The following ABCA1 variants were observed in gnomAD, a reference collection of about 807,000 sequenced individuals.
ABCA1 encodes ATP binding cassette subfamily A member 1, also known as phospholipid-transporting ATPase ABCA1.
In ABCA1, 133 loss-of-function variants were observed where a neutral mutation model predicts 262.5. The observed-to-expected ratio is 0.51, with a 90% CI of 0.44 to 0.59. The LOEUF is 0.59. Ranked by LOEUF, ABCA1 falls within the 20% of genes least tolerant of loss-of-function variation. The pLI, the probability that ABCA1 is intolerant of heterozygous loss-of-function variation, is 0.00. For synonymous variants in ABCA1, 1,022 were observed against 1,043.5 expected (o/e 0.98, Z 0.40); for missense variants, 2,452 against 2,777.5 (o/e 0.88, Z 2.63).
intron 35 of ABCA1, among the ~76,000 whole-genome samples, 159 bp downstream of exon 35, chr9:104,800,351 A>G (rs945620522): frequency 1.3e-5 from 2 of 152,190 alleles, no homozygotes; most frequent in East Asian, 1.9e-4. Context: ...AATTCTCTGA[A>G]TCACTACACT....
chr9:104,890,330 A>G (rs1264615051), intron 2 of ABCA1, among the ~76,000 whole-genome samples: 1 of 152,194 alleles, frequency 6.6e-6, no homozygotes, highest in Non-Finnish European at 1.5e-5. Flanking sequence ...CTGTAATCCC[A>G]GCACTTTGGG....
chr9:104,907,855 C>T (rs1841264913), intron 1 of ABCA1, among the ~76,000 whole-genome samples: 1 of 152,254 alleles, frequency 6.6e-6, no homozygotes, highest in Non-Finnish European at 1.5e-5. Flanking sequence ...TCTCATCAGT[C>T]ACCCAAGTGG....
intron 7 of ABCA1, among the ~76,000 whole-genome samples, chr9:104,846,038 T>C (rs77257670): frequency 0.016 from 2,450 of 152,350 alleles, 53 homozygotes; most frequent in African/African-American, 0.056. Flanking sequence ...GTCAGCACTG[T>C]TTCTAACACT....
At chr9:104,901,128 C>T (rs1361033319) in intron 2 of ABCA1, among the ~76,000 whole-genome samples, 1 of 152,182 alleles carries the variant, frequency 6.6e-6, no homozygotes, top group Non-Finnish European at 1.5e-5. Flanking sequence ...GGATTCCTTC[C>T]CTGGCTAAGC....
intron 47 of ABCA1, 43 bp from the exon 48 acceptor site, chr9:104,786,433 CTGTAACCA>C (rs746518985): frequency 6.5e-7 from 1 of 1,545,624 alleles, no homozygotes; most frequent in South Asian, 1.1e-5. Flanking sequence ...GAGAGATTCT[CTGTAACCA>C]TGAGAACATC....
intron 17 of ABCA1, among the ~76,000 whole-genome samples, chr9:104,824,780 C>T (rs1375200184): frequency 6.6e-6 from 1 of 152,216 alleles, no homozygotes. Context: ...CTTCCAACAA[C>T]CCACGGGGCA....
chr9:104,905,107 A>G (rs998432807), intron 1 of ABCA1, among the ~76,000 whole-genome samples: 3 of 152,340 alleles, frequency 2.0e-5, no homozygotes, highest in African/African-American at 4.8e-5. Flanking sequence ...CTTGGTAGCC[A>G]TGAACTCTCC....
chr9:104,829,943 T>TACAC lies in ABCA1; in HGVS notation c.1893-809_1893-806dup, dbSNP rs59055896. Among the ~76,000 whole-genome samples, 422 of 140,898 alleles carry TACAC rather than the reference T, an allele frequency of 3.0e-3. 4 individuals carry two copies. Among genetic ancestry groups the TACAC allele is most frequent in the East Asian group, 5.0e-3 (25 of 4,980 alleles). 92.4% of individuals were successfully genotyped at this position (140,898 alleles called of 152,430 possible). A position where few individuals can be genotyped will look rare whatever the true frequency, so the allele number is the denominator to read the frequency against. ...CCAGCTCCTCCCGCATCCTGATCCCTACACACACACACACACACACACACA... is the reference window on the plus strand; with the variant it reads ...CCAGCTCCTCCCGCATCCTGATCCCTACACACACACACACACACACACACACACA... On this transcript the variant is annotated intron_variant, in intron 14 of 49. Coordinates refer to ENST00000374736, the MANE Select transcript of ABCA1 (RefSeq NM_005502.4).
At chr9:104,832,442 A>C in intron 12 of ABCA1, 132 bp downstream of exon 12, 1 of 975,428 alleles carries the variant, frequency 1.0e-6, no homozygotes, top group Non-Finnish European at 1.6e-6. Context: ...ATCCTGTGTT[A>C]GGCTTGAGGG....
chr9:104,921,355 T>C (rs10512338), intron 1 of ABCA1, among the ~76,000 whole-genome samples: 21,959 of 152,174 alleles, frequency 0.14, 2,390 homozygotes, highest in African/African-American at 0.31. Context: ...CCAATGCATA[T>C]GAAGTTACTG....
intron 8 of ABCA1, among the ~76,000 whole-genome samples, 198 bp from the exon 9 acceptor site, chr9:104,840,717 A>G (rs1341599091): frequency 6.6e-6 from 1 of 152,236 alleles, no homozygotes; most frequent in Admixed American, 6.5e-5. Context: ...TCTGTGGTCC[A>G]GGGACGAGCA....
In ABCA1 at chr9:104,792,881, G is replaced by A; in HGVS notation, c.5662C>T (p.Leu1888=). 6.2e-7 allele frequency: 1 copy of A among 1,614,044 alleles called. No individual in the cohort carries two copies. Among genetic ancestry groups the A allele is most frequent in the Non-Finnish European group, 8.5e-7 (1 of 1,179,990 alleles). ...CTCACATCTTCATCTTCATCATTCA[G>A]AGGAGATAGCTTTGCATTTACAGGT... ...PRPVNAKLSP[L]NDEDEDVRRE... is the part of the protein sequence containing the mutation. Residue 1888 remains leucine, a synonymous_variant, in exon 42 of 50, where the codon CTG becomes TTG. Transcript: ENST00000374736.
At chr9:104,828,875 C>T (rs756524838) in intron 15 of ABCA1, 41 bp downstream of exon 15, 38 of 1,600,384 alleles carry the variant, frequency 2.4e-5, no homozygotes, top group Non-Finnish European at 2.7e-5. Flanking sequence ...TGAGCTATTT[C>T]GGAGTTTCCT....
chr9:104,850,561 C>T (rs1835291816), intron 7 of ABCA1, among the ~76,000 whole-genome samples: 2 of 152,208 alleles, frequency 1.3e-5, no homozygotes, highest in African/African-American at 4.8e-5. Context: ...CTATGTTGGC[C>T]TGAGCACATA....
Position 104,806,392 on chromosome 9 carries a change from G to A in ABCA1, c.4313C>T (p.Thr1438Ile). The change falls in exon 31 of 50, where the codon ACT becomes ATT. Residue 1438 changes from threonine to isoleucine, a missense_variant. Coordinates refer to ENST00000374736, the MANE Select transcript of ABCA1 (RefSeq NM_005502.4). ...CATGATGGTCTGGGGAACTGGGGCAGTGGTCCACTCTTCCTCCCCTGCCTG... is the reference window on the plus strand; with the variant it reads ...CATGATGGTCTGGGGAACTGGGGCAATGGTCCACTCTTCCTCCCCTGCCTG... Reference protein sequence around the residue: ...PCQAGEEEWTTAPVPQTIMDL... With the variant: ...PCQAGEEEWTIAPVPQTIMDL... The A allele has an allele frequency of 6.2e-7, 1 of 1,614,188 alleles. No individual in the cohort carries two copies. The highest frequency in any genetic ancestry group is 8.5e-7 in the Non-Finnish European group (1 of 1,180,042).
chr9:104,824,583 A>G lies in ABCA1; in HGVS notation c.2543-5T>C. 1 of 1,613,378 alleles carries G rather than the reference A, an allele frequency of 6.2e-7. No individual in the cohort carries two copies. The highest frequency in any genetic ancestry group is 8.5e-7 in the Non-Finnish European group (1 of 1,179,994). ...GCCTGGGAATTCCGTACTGGCCTGA[A>G]AGCAAAGCACAGGTATGAGCCAAGC... On this transcript the variant is annotated splice_region_variant and splice_polypyrimidine_tract_variant and intron_variant, in intron 17 of 49. Transcript: ENST00000374736.
chr9:104,915,606 T>A (rs1217279319), intron 1 of ABCA1, among the ~76,000 whole-genome samples: 1 of 152,212 alleles, frequency 6.6e-6, no homozygotes, highest in Non-Finnish European at 1.5e-5. Context: ...TCCAATATTA[T>A]CAAGATTCTG....
intron 37 of ABCA1, among the ~76,000 whole-genome samples, chr9:104,798,215 T>A (rs1830061123): frequency 6.6e-6 from 1 of 152,226 alleles, no homozygotes; most frequent in African/African-American, 2.4e-5. Context: ...GTACAGAATT[T>A]TCCCTCTGGT....
chr9:104,799,806 C>T lies in ABCA1; in HGVS notation c.4943+13G>A. 2 of 1,614,220 alleles carry T rather than the reference C, an allele frequency of 1.2e-6. No individual in the cohort carries two copies. Among genetic ancestry groups the T allele is most frequent in the Non-Finnish European group, 1.7e-6 (2 of 1,180,038 alleles). On this transcript the variant is annotated intron_variant, in intron 36 of 49. Transcript: ENST00000374736. ...TTGCCCCACTCCATCTATACAGACA[C>T]AGCCACACTTACAGAGCCACCTCTG...
Sources: gnomAD v4.1 joint callset for allele counts (sites outside exome capture counted in the v4.1 genomes callset) on GRCh38, gnomAD v4.1.1 for gene constraint, MANE v1.5 for transcripts, NCBI Gene and HGNC (gene_info 2026-07-23, HGNC 2026-07-21) for gene names.